The following MBD5 variants were observed in gnomAD, a reference collection of about 807,000 sequenced individuals.
MBD5 encodes the protein methyl-CpG-binding domain protein 5.
In MBD5, 13 loss-of-function variants were observed where a neutral mutation model predicts 117.3. The ratio of observed to expected loss-of-function variants is 0.11; its 90% CI spans 0.07 to 0.18. MBD5 has a LOEUF of 0.18. Ranked by LOEUF, MBD5 falls within the 10% of genes least tolerant of loss-of-function variation. MBD5 has a pLI of 1.00. For synonymous variants in MBD5, 727 were observed against 766.4 expected (o/e 0.95, Z 0.85); for missense variants, 1,879 against 2,093.8 (o/e 0.90, Z 2.00).
intron 3 of MBD5, among the ~76,000 whole-genome samples, chr2:148,294,488 T>A (rs920333110): frequency 6.9e-6 from 1 of 144,308 alleles, no homozygotes; most frequent in African/African-American, 2.6e-5. Context: ...CCTCCCAAAG[T>A]GCTGGGATTA....
chr2:148,212,215 C>T (rs1316798657), intron 2 of MBD5, among the ~76,000 whole-genome samples: 2 of 152,180 alleles, frequency 1.3e-5, no homozygotes, highest in Admixed American at 1.3e-4. Context: ...CAAAAAGAAA[C>T]CCTGTATCCA....
intron 4 of MBD5, among the ~76,000 whole-genome samples, chr2:148,413,468 G>A (rs781037843): frequency 2.0e-5 from 3 of 149,892 alleles, no homozygotes; most frequent in Non-Finnish European, 3.0e-5. Context: ...GGATAATGCC[G>A]GCTTCATAGA....
intron 1 of MBD5, among the ~76,000 whole-genome samples, chr2:148,031,548 G>A (rs534504290): frequency 2.1e-4 from 32 of 152,058 alleles, no homozygotes; most frequent in Non-Finnish European, 3.8e-4. Flanking sequence ...GAGTAGCCTG[G>A]TAAATTAGGG....
chr2:148,298,499 T>C (rs1701707605), intron 3 of MBD5, among the ~76,000 whole-genome samples: 1 of 152,236 alleles, frequency 6.6e-6, no homozygotes, highest in Non-Finnish European at 1.5e-5. Flanking sequence ...CTTCATTGGC[T>C]GTGTGCCCTG....
intron 3 of MBD5, among the ~76,000 whole-genome samples, chr2:148,334,447 C>G (rs1300957885): frequency 2.6e-5 from 4 of 152,002 alleles, no homozygotes; most frequent in Non-Finnish European, 5.9e-5. Flanking sequence ...ATCCTCCTGC[C>G]TTAGTCCCCC....
intron 1 of MBD5, among the ~76,000 whole-genome samples, chr2:148,029,734 A>G (rs1289326496): frequency 6.6e-6 from 1 of 152,174 alleles, no homozygotes; most frequent in Non-Finnish European, 1.5e-5. Flanking sequence ...TTGCTATGTT[A>G]CATTGGTTTC....
At chr2:148,289,672 G>A (rs9653174) in intron 3 of MBD5, among the ~76,000 whole-genome samples, 152,032 of 152,316 alleles carry the variant, frequency 1, 75,874 homozygotes, top group Non-Finnish European at 1. Context: ...AACCTAAATG[G>A]TAAACAGTAG....
At chr2:148,386,845 C>G (rs1478815010) in intron 4 of MBD5, among the ~76,000 whole-genome samples, 1 of 151,796 alleles carries the variant, frequency 6.6e-6, no homozygotes, top group African/African-American at 2.4e-5. Flanking sequence ...TTATACCTTA[C>G]CAGAAGTGAC....
chr2:148,505,496 A>G (rs1682004827), intron 12 of MBD5, among the ~76,000 whole-genome samples: 1 of 152,206 alleles, frequency 6.6e-6, no homozygotes, highest in African/African-American at 2.4e-5. Context: ...AAAGACTGAT[A>G]AAATGATCAA....
chr2:148,330,817 C>T (rs1215403952), intron 3 of MBD5, among the ~76,000 whole-genome samples: 1 of 152,142 alleles, frequency 6.6e-6, no homozygotes, highest in Non-Finnish European at 1.5e-5. Flanking sequence ...AAATAGCTAA[C>T]AAGTATTAGC....
At chr2:148,052,573 A>G (rs1186541943) in intron 1 of MBD5, among the ~76,000 whole-genome samples, 1 of 137,968 alleles carries the variant, frequency 7.2e-6, no homozygotes, top group Non-Finnish European at 1.6e-5. Context: ...CTTTTTCTGC[A>G]TACTATAAGT....
intron 1 of MBD5, chr2:148,055,964 T>A (rs1303161581): frequency 1.3e-5 from 2 of 152,212 alleles, no homozygotes; most frequent in Non-Finnish European, 2.9e-5. Flanking sequence ...TGGCATGTTC[T>A]ATAAGAAATC....
chr2:148,132,074 T>C (rs188165445), intron 1 of MBD5, among the ~76,000 whole-genome samples: 1 of 152,260 alleles, frequency 6.6e-6, no homozygotes, highest in East Asian at 1.9e-4. Flanking sequence ...CCAAGTTTGT[T>C]TTCTCACTAT....
chr2:148,194,765 A>T (rs1574119736), intron 2 of MBD5, among the ~76,000 whole-genome samples: 1 of 716 alleles, frequency 1.4e-3, no homozygotes, highest in African/African-American at 1.5e-3. Context: ...TATAATAAGA[A>T]AAAAAAAAAA....
intron 1 of MBD5, among the ~76,000 whole-genome samples, chr2:148,120,034 AG>A (rs1696730714): frequency 6.6e-6 from 1 of 151,836 alleles, no homozygotes; most frequent in Non-Finnish European, 1.5e-5. Flanking sequence ...CTCTAATCTC[AG>A]CCCCCTAAGT....
At chr2:148,482,313 A>ACT in intron 8 of MBD5, among the ~76,000 whole-genome samples, 1 of 152,246 alleles carries the variant, frequency 6.6e-6, no homozygotes, top group East Asian at 1.9e-4. Context: ...TAATAAAAAA[A>ACT]CTCATGACTG....
chr2:148,460,266 G>A (rs1356752678), intron 5 of MBD5: 3 of 152,046 alleles, frequency 2.0e-5, no homozygotes, highest in Middle Eastern at 3.4e-3. Context: ...AAGTAAATCT[G>A]GGAGTCAAAA....
intron 1 of MBD5, among the ~76,000 whole-genome samples, chr2:148,034,142 C>T (rs1010553991): frequency 1.3e-5 from 2 of 152,184 alleles, no homozygotes; most frequent in Admixed American, 1.3e-4. Flanking sequence ...CTGCAGGGAG[C>T]CGTGATGATG....
intron 1 of MBD5, among the ~76,000 whole-genome samples, chr2:148,038,894 C>A (rs1353400601): frequency 6.6e-6 from 1 of 151,990 alleles, no homozygotes; most frequent in Non-Finnish European, 1.5e-5. Flanking sequence ...CATCCTAATA[C>A]TTACTTTGAC....
Sources: allele counts gnomAD v4.1 joint callset (sites outside exome capture counted in the v4.1 genomes callset), GRCh38; gene constraint gnomAD v4.1.1; transcripts MANE v1.5; gene names NCBI Gene and HGNC (gene_info 2026-07-23, HGNC 2026-07-21).